HDAC9: variants seen among roughly 807,000 people sequenced by gnomAD.
The protein encoded by HDAC9 is histone deacetylase 9.
A neutral mutation model predicts 139.4 loss-of-function variants in HDAC9; 41 were observed. The observed-to-expected ratio is 0.29, with a 90% confidence interval of 0.23 to 0.38. The LOEUF (loss-of-function observed/expected upper bound fraction) is 0.38. Among genes scored for constraint, HDAC9 ranks in the 10% least tolerant of loss-of-function variants. HDAC9 has a pLI of 1.00. For synonymous variants in HDAC9, 517 were observed against 476.2 expected, an observed-to-expected ratio of 1.09 and a Z score of -1.12; for missense variants, 1,147 against 1,297.0, an observed-to-expected ratio of 0.88 and a Z score of 1.78.
In HDAC9 at chr7:18,347,997, G is replaced by GAGAA. The variant is rs1782557393; in HGVS notation, c.-42+57483_-42+57486dup. Among the ~76,000 whole-genome samples the GAGAA allele has an allele frequency of 2.0e-5, 3 of 152,188 alleles. No individual in the cohort carries two copies. In the South Asian group the frequency reaches 6.2e-4, roughly 31 times the overall value. Reference sequence around the variant, plus strand: ...TAGATTCTTGCTTTTAATTTTAAGAGAGAAGTAGGTAGCAAATTTTGGAGT... The same window carrying GAGAA: ...TAGATTCTTGCTTTTAATTTTAAGAGAGAAAGAAGTAGGTAGCAAATTTTGGAGT... On this transcript the variant is annotated intron_variant, in intron 1 of 3. Coordinates refer to the HDAC9 transcript ENST00000413509.
intron 22 of HDAC9, among the ~76,000 whole-genome samples, chr7:18,890,553 A>G (rs921403422): frequency 4.6e-5 from 7 of 152,248 alleles, no homozygotes; most frequent in South Asian, 4.1e-4. Context: ...AAACTTCTTC[A>G]TTTAGTAAGC....
chr7:18,176,283 T>A (rs892881799), intron 2 of HDAC9, among the ~76,000 whole-genome samples: 2 of 152,168 alleles, frequency 1.3e-5, no homozygotes, highest in African/African-American at 4.8e-5. Context: ...CAGTGCTTTC[T>A]GAAGATCCAG....
intron 21 of HDAC9, among the ~76,000 whole-genome samples, chr7:18,870,670 ATTATTG>A (rs1187311016): frequency 6.6e-6 from 1 of 152,116 alleles, no homozygotes; most frequent in Non-Finnish European, 1.5e-5. Context: ...TATTATCATT[ATTATTG>A]TTATTACTAT....
At position 18,438,508 on chromosome 7, in the gene HDAC9, T is replaced by C. The variant is rs529864289; in HGVS notation, c.-41-57754T>C. Among the ~76,000 whole-genome samples, 16 of 152,342 alleles carry C rather than the reference T, an allele frequency of 1.1e-4. No homozygotes were observed. In the South Asian group the frequency reaches 2.9e-3, roughly 28 times the overall value. ...CTTCAGACTCATGCATGTAGAGTTT[T>C]TATTTTCAATCACAACACAATTGGA... On this transcript the variant is annotated intron_variant, in intron 1 of 3. Coordinates refer to the HDAC9 transcript ENST00000413509.
intron 2 of HDAC9, among the ~76,000 whole-genome samples, chr7:18,200,259 T>C: frequency 6.6e-6 from 1 of 152,212 alleles, no homozygotes; most frequent in Non-Finnish European, 1.5e-5. Context: ...AATCCTCTGA[T>C]GTAATTGAAT....
chr7:18,852,419 T>G (rs1797369826), intron 21 of HDAC9, among the ~76,000 whole-genome samples: 1 of 152,200 alleles, frequency 6.6e-6, no homozygotes, highest in South Asian at 2.1e-4. Flanking sequence ...CATACTATCA[T>G]TCCTATTCTG....
At chr7:18,965,097 C>T (rs1024108802) in intron 24 of HDAC9, among the ~76,000 whole-genome samples, 2 of 152,198 alleles carry the variant, frequency 1.3e-5, no homozygotes, top group Non-Finnish European at 2.9e-5. Context: ...AATGCACTCA[C>T]AGCTCCGTAT....
At chr7:18,110,722 T>C (rs1462347170) in intron 1 of HDAC9, among the ~76,000 whole-genome samples, 1 of 152,170 alleles carries the variant, frequency 6.6e-6, no homozygotes, top group East Asian at 1.9e-4. Flanking sequence ...AAGTGGCAAC[T>C]ATGCAGTTGA....
At chr7:18,377,818 C>A (rs1785109715) in intron 1 of HDAC9, among the ~76,000 whole-genome samples, 1 of 152,020 alleles carries the variant, frequency 6.6e-6, no homozygotes, top group Non-Finnish European at 1.5e-5. Context: ...AAAAAATCTG[C>A]AGTTATCCAT....
chr7:18,177,797 G>C (rs2128138452), intron 2 of HDAC9, among the ~76,000 whole-genome samples: 1 of 152,214 alleles, frequency 6.6e-6, no homozygotes, highest in Admixed American at 6.5e-5. Flanking sequence ...TCTTAGTTAA[G>C]TAATATACTG....
intron 16 of HDAC9, among the ~76,000 whole-genome samples, chr7:18,783,655 C>A (rs1791442799): frequency 7.7e-6 from 1 of 130,634 alleles, no homozygotes. Context: ...ACTAGTTCTG[C>A]TGAGACTTTT....
At chr7:18,451,439 G>T (rs1185234081) in intron 1 of HDAC9, among the ~76,000 whole-genome samples, 1 of 151,362 alleles carries the variant, frequency 6.6e-6, no homozygotes, top group African/African-American at 2.4e-5. Flanking sequence ...ATGTGTGTGT[G>T]TGTGTGTGTA....
At chr7:18,443,859 TATAAAC>T (rs1792030410) in intron 1 of HDAC9, among the ~76,000 whole-genome samples, 1 of 151,744 alleles carries the variant, frequency 6.6e-6, no homozygotes, top group African/African-American at 2.4e-5. Flanking sequence ...TATACATTTG[TATAAAC>T]ATATATACAT....
chr7:18,802,631 AT>A (rs35107667), intron 17 of HDAC9, among the ~76,000 whole-genome samples: 57,541 of 151,540 alleles, frequency 0.38, 12,258 homozygotes, highest in African/African-American at 0.58. Flanking sequence ...ATCATGATAG[AT>A]TTTTTTATCT....
intron 2 of HDAC9, among the ~76,000 whole-genome samples, chr7:18,265,275 G>A (rs1024482659): frequency 6.6e-6 from 1 of 152,146 alleles, no homozygotes; most frequent in Non-Finnish European, 1.5e-5. Context: ...CTTCATGGTA[G>A]TTGAAAGGCA....
At chr7:18,435,130 T>C (rs1791066427) in intron 1 of HDAC9, among the ~76,000 whole-genome samples, 1 of 149,014 alleles carries the variant, frequency 6.7e-6, no homozygotes. Flanking sequence ...TAGAGGCCAT[T>C]ATCCTAAGTG....
At chr7:18,378,614 T>G (rs887015707) in intron 1 of HDAC9, among the ~76,000 whole-genome samples, 2 of 152,082 alleles carry the variant, frequency 1.3e-5, no homozygotes, top group African/African-American at 4.8e-5. Context: ...TATATATACA[T>G]ATACATATAA....
At chr7:18,299,855 C>G (rs1237090444) in intron 1 of HDAC9, among the ~76,000 whole-genome samples, 2 of 152,306 alleles carry the variant, frequency 1.3e-5, no homozygotes, top group East Asian at 3.9e-4. Flanking sequence ...CAAGCAAGCA[C>G]TGTTCCTCTT....
chr7:18,909,284 T>C (rs573099334), intron 22 of HDAC9, among the ~76,000 whole-genome samples: 3 of 147,394 alleles, frequency 2.0e-5, no homozygotes, highest in East Asian at 4.1e-4. Flanking sequence ...GTTCCTTGTA[T>C]ATATATTCTG....
Sources: gnomAD v4.1 joint callset for allele counts (sites outside exome capture counted in the v4.1 genomes callset) on GRCh38, gnomAD v4.1.1 for gene constraint, MANE v1.5 for transcripts, NCBI Gene and HGNC (gene_info 2026-07-23, HGNC 2026-07-21) for gene names.